Variants in IGFBP7 observed in about 807,000 individuals in gnomAD.
IGFBP7 encodes insulin-like growth factor-binding protein 7.
IGFBP7 carries 31 observed loss-of-function variants against 29.4 expected under a neutral mutation model. That is an observed-to-expected ratio of 1.05 (90% CI 0.79 to 1.42). IGFBP7 has a LOEUF of 1.42. Ranked by LOEUF, IGFBP7 falls within the 40% of genes most tolerant of loss-of-function variation. IGFBP7 has a pLI of 0.00. For missense variants in IGFBP7, 393 were observed against 395.5 expected, an observed-to-expected ratio of 0.99 and a Z score of 0.05; for synonymous variants, 172 against 174.9, an observed-to-expected ratio of 0.98 and a Z score of 0.13.
intron 1 of IGFBP7, among the ~76,000 whole-genome samples, chr4:57,108,623 C>A (rs1287221672): frequency 6.6e-6 from 1 of 151,822 alleles, no homozygotes; most frequent in Non-Finnish European, 1.5e-5. Context: ...CTCACTGCAA[C>A]CTCCGCCTCC....
chr4:57,087,607 C>A (rs1377362028), intron 1 of IGFBP7, among the ~76,000 whole-genome samples: 1 of 152,168 alleles, frequency 6.6e-6, no homozygotes, highest in African/African-American at 2.4e-5. Context: ...CACAGCTATA[C>A]GCAAGGTTAT....
intron 1 of IGFBP7, among the ~76,000 whole-genome samples, chr4:57,053,501 T>C (rs545317344): frequency 6.6e-6 from 1 of 152,326 alleles, no homozygotes; most frequent in East Asian, 1.9e-4. Flanking sequence ...CATGAAGGAC[T>C]TGAAACCATG....
intron 1 of IGFBP7, among the ~76,000 whole-genome samples, chr4:57,054,926 C>G (rs1164769874): frequency 1.3e-5 from 2 of 152,138 alleles, no homozygotes; most frequent in Non-Finnish European, 2.9e-5. Context: ...TCCCTGAGAA[C>G]CAGACACGTG....
intron 1 of IGFBP7, among the ~76,000 whole-genome samples, chr4:57,046,741 T>C (rs1724370263): frequency 6.6e-6 from 1 of 151,118 alleles, no homozygotes. Flanking sequence ...GCTGCCTCCC[T>C]CTGCCTTGTA....
At chr4:57,067,950 T>C (rs1297318850) in intron 1 of IGFBP7, among the ~76,000 whole-genome samples, 1 of 152,202 alleles carries the variant, frequency 6.6e-6, no homozygotes, top group Non-Finnish European at 1.5e-5. Context: ...TCATAAAATA[T>C]CTAAACCAAA....
chr4:57,097,889 C>T (rs1399518200), intron 1 of IGFBP7, among the ~76,000 whole-genome samples: 1 of 152,150 alleles, frequency 6.6e-6, no homozygotes, highest in Non-Finnish European at 1.5e-5. Context: ...TTGAAAGTAA[C>T]TGGTAGGGAC....
intron 1 of IGFBP7, among the ~76,000 whole-genome samples, chr4:57,105,602 C>A (rs551629502): frequency 1.3e-5 from 2 of 152,314 alleles, no homozygotes; most frequent in African/African-American, 4.8e-5. Flanking sequence ...TAATCCCTGT[C>A]TTATAAGTGA....
chr4:57,080,040 T>G (rs899242204), intron 1 of IGFBP7, among the ~76,000 whole-genome samples: 1 of 152,162 alleles, frequency 6.6e-6, no homozygotes, highest in African/African-American at 2.4e-5. Flanking sequence ...GGTTTGACTC[T>G]AGAACTTCCA....
At chr4:57,085,584 T>C (rs1300239346) in intron 1 of IGFBP7, among the ~76,000 whole-genome samples, 2 of 5,748 alleles carry the variant, frequency 3.5e-4, no homozygotes, top group Admixed American at 3.1e-3. Flanking sequence ...TAGTCAGTTG[T>C]ATGTAGTTTT....
At chr4:57,060,522 G>A (rs1167419446) in intron 1 of IGFBP7, among the ~76,000 whole-genome samples, 1 of 152,174 alleles carries the variant, frequency 6.6e-6, no homozygotes, top group Non-Finnish European at 1.5e-5. Context: ...TAATAGGTTT[G>A]TTTTTGCATT....
chr4:57,086,715 A>G (rs1725505570), intron 1 of IGFBP7, among the ~76,000 whole-genome samples: 1 of 152,150 alleles, frequency 6.6e-6, no homozygotes, highest in South Asian at 2.1e-4. Context: ...AAATACACAT[A>G]CAAATTTTAC....
At chr4:57,094,711 C>T (rs1181678948) in intron 1 of IGFBP7, among the ~76,000 whole-genome samples, 4 of 152,178 alleles carry the variant, frequency 2.6e-5, no homozygotes, top group African/African-American at 9.7e-5. Context: ...GAAGCGTCAC[C>T]CACACTTGGG....
chr4:57,079,951 G>C (rs945622328), intron 1 of IGFBP7, among the ~76,000 whole-genome samples: 1 of 152,130 alleles, frequency 6.6e-6, no homozygotes, highest in African/African-American at 2.4e-5. Context: ...GTAGAGATGA[G>C]GAATTGGAGG....
At chr4:57,058,451 A>G (rs1433837165) in intron 1 of IGFBP7, among the ~76,000 whole-genome samples, 1 of 151,528 alleles carries the variant, frequency 6.6e-6, no homozygotes, top group Non-Finnish European at 1.5e-5. Context: ...CTGCACGCCT[A>G]CAACCATCTG....
At chr4:57,089,752 G>A (rs552849613) in intron 1 of IGFBP7, among the ~76,000 whole-genome samples, 150 of 152,324 alleles carry the variant, frequency 9.8e-4, no homozygotes, top group African/African-American at 3.6e-3. Flanking sequence ...GGGTGTCCCA[G>A]TGATCATTTC....
At chr4:57,075,800 T>C (rs1725208680) in intron 1 of IGFBP7, among the ~76,000 whole-genome samples, 1 of 152,164 alleles carries the variant, frequency 6.6e-6, no homozygotes, top group South Asian at 2.1e-4. Context: ...ATGTGGTGGG[T>C]AGACAGGTCA....
intron 1 of IGFBP7, among the ~76,000 whole-genome samples, chr4:57,069,595 T>C (rs1725009464): frequency 6.6e-6 from 1 of 151,768 alleles, no homozygotes; most frequent in Admixed American, 6.6e-5. Flanking sequence ...CTCCAGGAGT[T>C]TGAGGCTTCA....
intron 1 of IGFBP7, chr4:57,073,119 G>C: frequency 1.9e-6 from 3 of 1,596,484 alleles, no homozygotes; most frequent in South Asian, 2.2e-5. Context: ...CAGGTCACCA[G>C]CCAGGAGCCC....
rs573638967 is a variant in IGFBP7, at chr4:57,069,899, A to T, written c.476-28966T>A. Among the ~76,000 whole-genome samples the T allele has an allele frequency of 5.3e-5, 8 of 152,244 alleles. No individual in the cohort carries two copies. The South Asian group carries it at 1.7e-3, about 32-fold the overall frequency. ...GCAGTTTCAGAACAGACTGGCCAAC[A>T]TGACAAAACCCTGTCTCTACTAAAA... is the stretch of plus-strand genomic sequence containing the variant. On this transcript the variant is annotated intron_variant, in intron 1 of 4. Coordinates refer to ENST00000295666, the MANE Select transcript of IGFBP7 (RefSeq NM_001553.3).
Sources: allele counts gnomAD v4.1 joint callset (sites outside exome capture counted in the v4.1 genomes callset), GRCh38; gene constraint gnomAD v4.1.1; transcripts MANE v1.5; gene names NCBI Gene and HGNC (gene_info 2026-07-23, HGNC 2026-07-21).